GPLD1: variants seen among roughly 807,000 people sequenced by gnomAD.
GPLD1 encodes phosphatidylinositol-glycan-specific phospholipase D.
A neutral mutation model predicts 112.6 loss-of-function variants in GPLD1; 84 were observed. The ratio of observed to expected loss-of-function variants is 0.75; its 90% confidence interval spans 0.63 to 0.89. The LOEUF is 0.89. Ranked by LOEUF, GPLD1 falls within the 40% of genes least tolerant of loss-of-function variation. GPLD1 has a pLI of 0.00. For missense variants in GPLD1, 1,044 were observed against 1,051.5 expected (o/e 0.99, Z 0.10); for synonymous variants, 386 against 403.8 (o/e 0.96, Z 0.53).
In GPLD1 at chr6:24,445,399, A is replaced by G. The variant is rs1000917576; in HGVS notation, c.2020+147T>C. The G allele has an allele frequency of 8.9e-5, 55 of 620,822 alleles. No individual in the cohort carries two copies. In the East Asian group the frequency reaches 1.5e-3, roughly 17 times the overall value. The allele number at this position is 620,822 out of a possible 1,614,324, so 38.5% of individuals were successfully genotyped here. A position where few individuals can be genotyped will look rare whatever the true frequency, so the allele number is the denominator to read the frequency against. ...TTCTGAGAGGTTAAGTAACTTCCCC[A>G]AAGTTACACAGAATGTTATTAATGA... On this transcript the variant is annotated intron_variant, in intron 20 of 24. Coordinates refer to ENST00000230036, the MANE Select transcript of GPLD1 (RefSeq NM_001503.4).
At chr6:24,456,446 A>G in intron 13 of GPLD1, 52 bp downstream of exon 13, 1 of 1,187,730 alleles carries the variant, frequency 8.4e-7, no homozygotes, top group Non-Finnish European at 1.2e-6. Context: ...GAATGATTGA[A>G]TAAAATTAAT....
At chr6:24,465,152 G>A (rs185030543) in intron 10 of GPLD1, among the ~76,000 whole-genome samples, 4 of 136,102 alleles carry the variant, frequency 2.9e-5, no homozygotes, top group Non-Finnish European at 4.6e-5. Flanking sequence ...AGCCGAGATC[G>A]CACCACTGCA....
In GPLD1 at chr6:24,425,923, T is replaced by C. The variant is rs1762220532; in HGVS notation, c.*3109A>G. On this transcript the variant is annotated 3_prime_UTR_variant, in exon 25 of 25. Transcript: ENST00000230036. ...GAATTGCAATATTAAAGTTGCACGT[T>C]GGATTTAACTCTCATGACTTTAGTA... 6.6e-6 allele frequency: 1 copy of C among 152,242 alleles called. No homozygotes were observed. The highest frequency in any genetic ancestry group is 2.1e-4 in the South Asian group (1 of 4,834). 9.4% of individuals were successfully genotyped at this position (152,242 alleles called of 1,614,324 possible). A position where few individuals can be genotyped will look rare whatever the true frequency, so the allele number is the denominator to read the frequency against.
intron 3 of GPLD1, among the ~76,000 whole-genome samples, chr6:24,476,496 G>A (rs1055660142): frequency 6.6e-6 from 1 of 152,140 alleles, no homozygotes; most frequent in Non-Finnish European, 1.5e-5. Context: ...ACTAAAAAGA[G>A]CCCTACAGTA....
chr6:24,471,685 A>C (rs1302967809), intron 7 of GPLD1, among the ~76,000 whole-genome samples: 1 of 152,260 alleles, frequency 6.6e-6, no homozygotes, highest in Non-Finnish European at 1.5e-5. Context: ...AGTCCATGTA[A>C]GAGAATAACC....
chr6:24,451,564 T>G (rs1561838713), intron 14 of GPLD1, among the ~76,000 whole-genome samples: 1 of 152,026 alleles, frequency 6.6e-6, no homozygotes, highest in Non-Finnish European at 1.5e-5. Flanking sequence ...TCTTGATCTC[T>G]TGACCTCAGG....
chr6:24,429,778 C>T (rs1762346231), intron 24 of GPLD1, among the ~76,000 whole-genome samples: 1 of 152,198 alleles, frequency 6.6e-6, no homozygotes, highest in Admixed American at 6.5e-5. Flanking sequence ...GAACTCCCGA[C>T]CTCAAGTGAT....
chr6:24,433,837 C>T (rs1362164275), intron 22 of GPLD1, among the ~76,000 whole-genome samples: 1 of 152,036 alleles, frequency 6.6e-6, no homozygotes, highest in Non-Finnish European at 1.5e-5. Context: ...TGTGCATGCC[C>T]TTTGACCCCA....
At chr6:24,459,849 C>T (rs1456570744) in intron 12 of GPLD1, among the ~76,000 whole-genome samples, 4 of 152,212 alleles carry the variant, frequency 2.6e-5, no homozygotes, top group Non-Finnish European at 5.9e-5. Flanking sequence ...CTTGACTTGA[C>T]AGAGACCACT....
At position 24,449,842 on chromosome 6, in the gene GPLD1, G is replaced by C; in HGVS notation, c.1393C>G (p.Pro465Ala). The C allele has an allele frequency of 6.2e-7, 1 of 1,613,926 alleles. No homozygotes were observed. The highest frequency in any genetic ancestry group is 8.5e-7 in the Non-Finnish European group (1 of 1,179,930). ...AVLDFNVDGV[P>A]DLAVGAPSVG... ...GAGGGAGCTCCCACGGCCAGGTCAG[G>C]CACGCCGTCCACGTTAAAGTCCAAC... Residue 465 changes from proline (P) to alanine (A), a missense_variant, in exon 15 of 25, where the codon CCT (proline) becomes GCT (alanine). Coordinates refer to ENST00000230036, the MANE Select transcript of GPLD1 (RefSeq NM_001503.4).
At chr6:24,481,268 A>G (rs1764192457) in intron 2 of GPLD1, among the ~76,000 whole-genome samples, 1 of 152,040 alleles carries the variant, frequency 6.6e-6, no homozygotes, top group African/African-American at 2.4e-5. Flanking sequence ...CTAAACTAGC[A>G]GAGGGGTTTC....
chr6:24,474,151 CAACA>C (rs1763925219), intron 5 of GPLD1, among the ~76,000 whole-genome samples: 1 of 141,460 alleles, frequency 7.1e-6, no homozygotes, highest in African/African-American at 2.6e-5. Context: ...AAAAAAACAA[CAACA>C]AAAAAAACCA....
At chr6:24,470,065 AC>A (rs1408419699) in intron 7 of GPLD1, among the ~76,000 whole-genome samples, 2 of 152,130 alleles carry the variant, frequency 1.3e-5, no homozygotes, top group African/African-American at 4.8e-5. Context: ...AAATGGGACA[AC>A]CAGCTTTTGC....
At chr6:24,476,526 T>G (rs1246793105) in intron 3 of GPLD1, among the ~76,000 whole-genome samples, 1 of 152,164 alleles carries the variant, frequency 6.6e-6, no homozygotes, top group East Asian at 1.9e-4. Flanking sequence ...GAGCCTAAAC[T>G]GGCTCACGGA....
chr6:24,461,904 A>T (rs985176186), intron 11 of GPLD1, among the ~76,000 whole-genome samples: 2 of 152,208 alleles, frequency 1.3e-5, no homozygotes, highest in Admixed American at 6.6e-5. Flanking sequence ...ATAAATATAC[A>T]CATATTTGTA....
chr6:24,464,116 T>C (rs1484150063), intron 10 of GPLD1, among the ~76,000 whole-genome samples: 1 of 152,212 alleles, frequency 6.6e-6, no homozygotes, highest in African/African-American at 2.4e-5. Context: ...CATGCCCTTA[T>C]GTTATGAGTC....
At chr6:24,451,332 C>CT (rs76706819) in intron 14 of GPLD1, among the ~76,000 whole-genome samples, 6 of 151,566 alleles carry the variant, frequency 4.0e-5, no homozygotes, top group Non-Finnish European at 8.8e-5. Context: ...AATTCTTTCT[C>CT]TTTTTTTTGT....
intron 18 of GPLD1, 142 bp from the exon 19 acceptor site, chr6:24,445,973 T>C (rs1035825302): frequency 4.7e-6 from 3 of 644,288 alleles, no homozygotes; most frequent in African/African-American, 3.6e-5. Flanking sequence ...GGCCTGGAAG[T>C]GTGGGGACTA....
intron 15 of GPLD1, 71 bp downstream of exon 15, chr6:24,449,718 G>A: frequency 1.0e-6 from 1 of 983,356 alleles, no homozygotes; most frequent in Non-Finnish European, 1.6e-6. Flanking sequence ...GCTCATCCCA[G>A]CGTTGGCCTC....
Sources: allele counts gnomAD v4.1 joint callset (sites outside exome capture counted in the v4.1 genomes callset), GRCh38; gene constraint gnomAD v4.1.1; transcripts MANE v1.5; gene names NCBI Gene and HGNC (gene_info 2026-07-23, HGNC 2026-07-21).